Variants in ATP10A observed in about 807,000 individuals in gnomAD.
ATP10A encodes the protein phospholipid-transporting ATPase VA.
A neutral mutation model predicts 147.8 loss-of-function variants in ATP10A; 111 were observed. The ratio of observed to expected loss-of-function variants is 0.75; its 90% confidence interval spans 0.64 to 0.88. The LOEUF (loss-of-function observed/expected upper bound fraction) is 0.88. Among genes scored for constraint, ATP10A ranks in the 40% least tolerant of loss-of-function variants. The pLI is 0.00. For synonymous variants in ATP10A, 875 were observed against 841.6 expected (o/e 1.04, Z -0.69); for missense variants, 1,927 against 1,959.0 (o/e 0.98, Z 0.31).
chr15:25,844,576 G>C (rs530620826), intron 1 of ATP10A, among the ~76,000 whole-genome samples: 1 of 152,300 alleles, frequency 6.6e-6, no homozygotes, highest in Admixed American at 6.5e-5. Context: ...TTAAAATGTA[G>C]GGAGAACAAG....
At chr15:25,727,080 AAG>A (rs1475141565) in intron 4 of ATP10A, 78 bp downstream of exon 4, 3 of 1,154,638 alleles carry the variant, frequency 2.6e-6, no homozygotes, top group East Asian at 4.7e-5. Context: ...AAAAAGAAAA[AAG>A]AAAAGAAAAC....
intron 1 of ATP10A, among the ~76,000 whole-genome samples, chr15:25,803,771 T>C (rs11161220): frequency 0.27 from 41,000 of 152,110 alleles, 6,527 homozygotes; most frequent in African/African-American, 0.44. Context: ...GTCTTTACCA[T>C]GATGGACAAC....
chr15:25,739,551 A>G (rs529993679), intron 2 of ATP10A, among the ~76,000 whole-genome samples: 2 of 152,296 alleles, frequency 1.3e-5, no homozygotes, highest in East Asian at 1.9e-4. Context: ...GATGGTTCCA[A>G]TGAATCCCTG....
At chr15:25,858,282 A>G (rs1379595305) in intron 1 of ATP10A, among the ~76,000 whole-genome samples, 1 of 152,118 alleles carries the variant, frequency 6.6e-6, no homozygotes, top group African/African-American at 2.4e-5. Flanking sequence ...CCTTTTACCC[A>G]AATGACAGAG....
intron 2 of ATP10A, among the ~76,000 whole-genome samples, chr15:25,744,840 G>A (rs1293401128): frequency 6.6e-6 from 1 of 152,032 alleles, no homozygotes; most frequent in African/African-American, 2.4e-5. Flanking sequence ...GTGTAATCAG[G>A]GCCCCAGAAG....
intron 12 of ATP10A, among the ~76,000 whole-genome samples, chr15:25,705,463 A>AAAC (rs1567315602): frequency 0.022 from 65 of 2,994 alleles, no homozygotes; most frequent in African/African-American, 0.035. Context: ...ACAAAAAAAA[A>AAAC]AAACAAAAAA....
chr15:25,712,732 C>T lies in ATP10A; in HGVS notation c.2344+942G>A, dbSNP rs1901520690. ...AGGGAAGATCTCGCCCCGCGGTGGTCATCATCATGGAAGGTCATCCAAACT... is the reference window on the plus strand; with the variant it reads ...AGGGAAGATCTCGCCCCGCGGTGGTTATCATCATGGAAGGTCATCCAAACT... On this transcript the variant is annotated intron_variant, in intron 10 of 20. Coordinates refer to ENST00000555815, the MANE Select transcript of ATP10A (RefSeq NM_024490.4). Among the ~76,000 whole-genome samples, 4 of 152,170 alleles carry T rather than the reference C, an allele frequency of 2.6e-5. No homozygotes were observed. In the South Asian group the frequency reaches 8.3e-4, roughly 32 times the overall value.
At chr15:25,722,963 A>G (rs8030286) in intron 6 of ATP10A, among the ~76,000 whole-genome samples, 15,212 of 152,258 alleles carry the variant, frequency 0.1, 1,291 homozygotes, top group African/African-American at 0.23. Context: ...AGATAAATGC[A>G]ATGTGGATAA....
chr15:25,825,695 T>C (rs1056097508), intron 1 of ATP10A, among the ~76,000 whole-genome samples: 1 of 152,016 alleles, frequency 6.6e-6, no homozygotes, highest in Admixed American at 6.6e-5. Context: ...TAAACAACAA[T>C]AGCAACAAAC....
chr15:25,837,626 G>A (rs969680655), intron 1 of ATP10A, among the ~76,000 whole-genome samples: 2 of 152,218 alleles, frequency 1.3e-5, no homozygotes, highest in Non-Finnish European at 2.9e-5. Flanking sequence ...AAAGCCGAAA[G>A]TGTCTTTCAG....
intron 1 of ATP10A, among the ~76,000 whole-genome samples, chr15:25,850,219 CAGAG>C (rs542539244): frequency 2.2e-4 from 34 of 152,080 alleles, no homozygotes; most frequent in Admixed American, 5.9e-4. Context: ...TTGGCTTGTT[CAGAG>C]AGAGAGAGTC....
intron 5 of ATP10A, among the ~76,000 whole-genome samples, chr15:25,725,213 C>A (rs1902470714): frequency 1.3e-5 from 2 of 152,170 alleles, no homozygotes; most frequent in African/African-American, 4.8e-5. Context: ...CTAACTGGTG[C>A]CTGATGATCT....
rs1449618939 is a variant in ATP10A, at chr15:25,718,172, G to C, written c.1581+10C>G. 1 of 1,611,716 alleles carries C rather than the reference G, an allele frequency of 6.2e-7. No homozygotes were observed. The highest frequency in any genetic ancestry group is 8.5e-7 in the Non-Finnish European group (1 of 1,179,098). The stretch of plus-strand genomic sequence containing the variant: ...TGGCAGCACCCTAGCAGGAGGCCCT[G>C]TACACTCACCATGGGGCTGCTGAAG... On this transcript the variant is annotated intron_variant, in intron 8 of 20. Coordinates refer to ENST00000555815, the MANE Select transcript of ATP10A (RefSeq NM_024490.4).
intron 15 of ATP10A, among the ~76,000 whole-genome samples, chr15:25,690,165 C>T (rs1310880008): frequency 4.6e-5 from 7 of 151,234 alleles, no homozygotes; most frequent in East Asian, 3.9e-4. Context: ...TTGATAAACA[C>T]GCACAATGGA....
chr15:25,848,736 T>G (rs1302461543), intron 1 of ATP10A: 2 of 153,600 alleles, frequency 1.3e-5, no homozygotes, highest in African/African-American at 4.8e-5. Context: ...CCCATCTTTT[T>G]CCAAGAGAAA....
intron 1 of ATP10A, among the ~76,000 whole-genome samples, chr15:25,819,381 T>C (rs1891789132): frequency 6.6e-6 from 1 of 152,140 alleles, no homozygotes; most frequent in Admixed American, 6.5e-5. Context: ...CGATACCTCC[T>C]TACACCAACC....
At chr15:25,735,953 G>T (rs1887241437) in intron 3 of ATP10A, 103 bp downstream of exon 3, 1 of 1,048,968 alleles carries the variant, frequency 9.5e-7, no homozygotes, top group Non-Finnish European at 1.5e-6. Context: ...ACACCATGTG[G>T]CAAAGAGTAT....
chr15:25,763,945 A>G (rs1349180785), intron 2 of ATP10A, among the ~76,000 whole-genome samples: 1 of 152,204 alleles, frequency 6.6e-6, no homozygotes, highest in Non-Finnish European at 1.5e-5. Context: ...AATATCAACT[A>G]TGTCAGGAAA....
chr15:25,718,742 G>A (rs898102733), intron 7 of ATP10A, among the ~76,000 whole-genome samples: 37 of 152,094 alleles, frequency 2.4e-4, no homozygotes, highest in Non-Finnish European at 3.5e-4. Context: ...GCAGGTGGCC[G>A]GGAGAGGGAG....
Sources: gnomAD v4.1 joint callset for allele counts (sites outside exome capture counted in the v4.1 genomes callset) on GRCh38, gnomAD v4.1.1 for gene constraint, MANE v1.5 for transcripts, NCBI Gene and HGNC (gene_info 2026-07-23, HGNC 2026-07-21) for gene names.